Variants in CNST observed in about 807,000 individuals in gnomAD.
CNST encodes consortin.
CNST carries 39 observed loss-of-function variants against 72.4 expected under a neutral mutation model. The observed-to-expected ratio is 0.54, with a 90% confidence interval of 0.42 to 0.70. CNST has a LOEUF of 0.70. Among genes scored for constraint, CNST ranks in the 30% least tolerant of loss-of-function variants. The pLI is 0.00. For synonymous variants in CNST, 332 were observed against 320.1 expected (o/e 1.04, Z -0.40); for missense variants, 871 against 868.5 (o/e 1.00, Z -0.04).
At chr1:246,662,827 G>A (rs1012243525) in intron 10 of CNST, among the ~76,000 whole-genome samples, 4 of 151,854 alleles carry the variant, frequency 2.6e-5, no homozygotes, top group Non-Finnish European at 2.9e-5. Context: ...GTTCATCGCC[G>A]CTCAGTTTGG....
At chr1:246,620,740 A>T (rs1572189749) in intron 2 of CNST, among the ~76,000 whole-genome samples, 3 of 130,496 alleles carry the variant, frequency 2.3e-5, no homozygotes, top group Admixed American at 7.6e-5. Flanking sequence ...CTCTGGGAAC[A>T]CTACAGGGAG....
intron 6 of CNST, among the ~76,000 whole-genome samples, chr1:246,640,892 G>T (rs542469675): frequency 3.9e-5 from 6 of 152,008 alleles, no homozygotes; most frequent in Admixed American, 3.9e-4. Flanking sequence ...TTGCATAGAC[G>T]TATATGTCTA....
At chr1:246,633,327 T>TA (rs1664898600) in intron 4 of CNST, among the ~76,000 whole-genome samples, 1 of 151,870 alleles carries the variant, frequency 6.6e-6, no homozygotes, top group South Asian at 2.1e-4. Context: ...TGCATGCCTG[T>TA]AATCCCAGCT....
rs757286132 is a variant in CNST, at chr1:246,665,803, G to A, written c.2076G>A (p.Met692Ile). ...CATTATACTGCACTTTCGGTGACATGGAGTCACCTGTTTGTACTGACTTTG... is the reference window on the plus strand; with the variant it reads ...CATTATACTGCACTTTCGGTGACATAGAGTCACCTGTTTGTACTGACTTTG... ...GTALYCTFGDMESPVCTDFAD... is the reference protein window; with the variant it reads ...GTALYCTFGDIESPVCTDFAD... Residue 692 changes from methionine (M) to isoleucine (I), a missense_variant, in exon 11 of 11, where the codon ATG (methionine) becomes ATA (isoleucine). By Grantham distance (10) the Met-to-Ile change is conservative (BLOSUM62 1). Coordinates refer to ENST00000366513, the MANE Select transcript of CNST (RefSeq NM_152609.3). 1 of 1,612,592 alleles carries A rather than the reference G, an allele frequency of 6.2e-7. No homozygotes were observed. Among genetic ancestry groups the A allele is most frequent in the African/African-American group, 1.3e-5 (1 of 75,018 alleles).
Position 246,645,423 on chromosome 1 carries a change from A to AT in CNST, c.938-1716_938-1715insT, listed in dbSNP as rs762655117. 5.1e-3 allele frequency among the ~76,000 whole-genome samples: 539 copies of AT among 106,046 alleles called. 4 individuals carry two copies. The highest frequency in any genetic ancestry group is 6.7e-3 in the Non-Finnish European group (353 of 52,696). 69.6% of individuals were successfully genotyped at this position (106,046 alleles called of 152,430 possible). ...AACATATTAGTATAAAAAGGTTAAA[A>AT]CTTTTTTTTTTTTTTTTTTTTTGAG... On this transcript the variant is annotated intron_variant, in intron 8 of 10. Transcript: ENST00000366513.
chr1:246,615,733 C>T (rs1458014357), intron 2 of CNST, among the ~76,000 whole-genome samples: 1 of 151,616 alleles, frequency 6.6e-6, no homozygotes, highest in Non-Finnish European at 1.5e-5. Flanking sequence ...ACAAAATTAG[C>T]CTGGCATGGT....
intron 1 of CNST, among the ~76,000 whole-genome samples, chr1:246,569,113 G>A (rs1298562316): frequency 1.3e-5 from 2 of 152,072 alleles, no homozygotes; most frequent in Non-Finnish European, 2.9e-5. Flanking sequence ...TAAGGCTGTA[G>A]GTCTGTAGCA....
intron 9 of CNST, among the ~76,000 whole-genome samples, chr1:246,658,797 G>T (rs946850305): frequency 6.6e-6 from 1 of 152,312 alleles, no homozygotes; most frequent in African/African-American, 2.4e-5. Flanking sequence ...GTGCCTGCCT[G>T]TGTCATCACC....
At chr1:246,633,192 G>A (rs1420042994) in intron 4 of CNST, among the ~76,000 whole-genome samples, 2 of 152,180 alleles carry the variant, frequency 1.3e-5, no homozygotes, top group Non-Finnish European at 2.9e-5. Flanking sequence ...GCTCACACCT[G>A]TAATCCCAGC....
chr1:246,631,251 A>C (rs1558572540), intron 3 of CNST, among the ~76,000 whole-genome samples: 1 of 152,200 alleles, frequency 6.6e-6, no homozygotes, highest in Non-Finnish European at 1.5e-5. Flanking sequence ...TGAGTCTTGG[A>C]TCTCTTTATC....
intron 2 of CNST, among the ~76,000 whole-genome samples, chr1:246,612,733 T>TA (rs1663410765): frequency 6.6e-6 from 1 of 151,810 alleles, no homozygotes; most frequent in Admixed American, 6.6e-5. Context: ...AAAAAATACA[T>TA]ACAAAAATTA....
At chr1:246,652,587 A>G (rs1666509493) in intron 9 of CNST, among the ~76,000 whole-genome samples, 2 of 152,314 alleles carry the variant, frequency 1.3e-5, no homozygotes, top group African/African-American at 4.8e-5. Context: ...GCTTGCAGAA[A>G]TGTCATATGT....
At chr1:246,616,856 AC>A (rs1371004956) in intron 2 of CNST, among the ~76,000 whole-genome samples, 3 of 151,456 alleles carry the variant, frequency 2.0e-5, no homozygotes, top group Non-Finnish European at 4.4e-5. Flanking sequence ...CCCGGCCAAT[AC>A]TTTTTTTTTT....
At chr1:246,611,609 A>G (rs1256574130) in intron 2 of CNST, among the ~76,000 whole-genome samples, 2 of 152,248 alleles carry the variant, frequency 1.3e-5, no homozygotes, top group Admixed American at 1.3e-4. Context: ...TAGAGATGGA[A>G]AAAAACCAGC....
intron 2 of CNST, chr1:246,606,449 A>C (rs1662826214): frequency 6.6e-6 from 1 of 152,052 alleles, no homozygotes; most frequent in African/African-American, 2.4e-5. Context: ...GACATGTTAA[A>C]CTTAGCACAG....
At position 246,621,648 on chromosome 1, in the gene CNST, C is replaced by A. The variant is rs1410191544; in HGVS notation, c.585+14C>A. 6.2e-7 allele frequency: 1 copy of A among 1,603,720 alleles called. No homozygotes were observed. Among genetic ancestry groups the A allele is most frequent in the Admixed American group, 1.7e-5 (1 of 59,988 alleles). ...TGCCTTCATCAGGTACTCTGGTAAACCCTTCACTTTCAGCCTCACGAAAAT... is the reference window on the plus strand; with the variant it reads ...TGCCTTCATCAGGTACTCTGGTAAAACCTTCACTTTCAGCCTCACGAAAAT... On this transcript the variant is annotated intron_variant, in intron 3 of 10. Coordinates refer to ENST00000366513, the MANE Select transcript of CNST (RefSeq NM_152609.3).
At chr1:246,607,283 C>T (rs965056279) in intron 2 of CNST, 17 of 151,984 alleles carry the variant, frequency 1.1e-4, no homozygotes, top group African/African-American at 3.6e-4. Flanking sequence ...TCCCATGCCA[C>T]GGCCACTGTT....
intron 10 of CNST, among the ~76,000 whole-genome samples, chr1:246,663,752 C>A (rs962797538): frequency 2.6e-5 from 4 of 151,222 alleles, no homozygotes; most frequent in Admixed American, 6.6e-5. Context: ...AAAAAAAAAA[C>A]AACTATTTTA....
At chr1:246,584,081 C>A (rs1660982085) in intron 1 of CNST, among the ~76,000 whole-genome samples, 1 of 152,080 alleles carries the variant, frequency 6.6e-6, no homozygotes, top group Non-Finnish European at 1.5e-5. Context: ...GCTAGAACCA[C>A]AGGCACACGC....
Sources: gnomAD v4.1 joint callset for allele counts (sites outside exome capture counted in the v4.1 genomes callset) on GRCh38, gnomAD v4.1.1 for gene constraint, MANE v1.5 for transcripts, NCBI Gene and HGNC (gene_info 2026-07-23, HGNC 2026-07-21) for gene names.